Variants in FAM83B observed in about 807,000 individuals in gnomAD.
FAM83B encodes protein FAM83B.
Under a neutral mutation model 38.8 loss-of-function variants are expected in FAM83B, and 26 were observed. The observed-to-expected ratio is 0.67, with a 90% CI of 0.49 to 0.93. The LOEUF is 0.93. FAM83B is among the 40% of genes least tolerant of loss of function. FAM83B has a pLI of 0.00. For synonymous variants in FAM83B, 419 were observed against 423.1 expected (o/e 0.99, Z 0.12); for missense variants, 1,237 against 1,197.3 (o/e 1.03, Z -0.49).
At chr6:54,864,636 A>C (rs1771659690) in intron 1 of FAM83B, among the ~76,000 whole-genome samples, 1 of 152,180 alleles carries the variant, frequency 6.6e-6, no homozygotes, top group South Asian at 2.1e-4. Context: ...TATTATAGTC[A>C]ATTTTTAATT....
At chr6:54,873,690 GT>G (rs34408059) in intron 2 of FAM83B, among the ~76,000 whole-genome samples, 91 of 137,240 alleles carry the variant, frequency 6.6e-4, no homozygotes, top group Middle Eastern at 3.8e-3. Context: ...AATGGATAAA[GT>G]TTTTTTTTTT....
At position 54,944,973 on chromosome 6, in the gene FAM83B, C is replaced by T. The variant is rs556976154; in HGVS notation, c.*2966C>T. On this transcript the variant is annotated 3_prime_UTR_variant, in exon 5 of 5. Transcript: ENST00000306858. ...CCAAGTCCTGGGCTCAAACGATCCT[C>T]CAGCCTCAGGTTCCTGAGTAGCTCA... 7 of 152,258 alleles carry T rather than the reference C, an allele frequency of 4.6e-5. No homozygotes were observed. The highest frequency in any genetic ancestry group is 8.8e-5 in the Non-Finnish European group (6 of 68,012). The allele number at this position is 152,258 out of a possible 1,614,324, so 9.4% of individuals were successfully genotyped here.
At chr6:54,933,681 C>T (rs1046655869) in intron 4 of FAM83B, among the ~76,000 whole-genome samples, 18 of 152,090 alleles carry the variant, frequency 1.2e-4, no homozygotes, top group African/African-American at 4.3e-4. Context: ...GATTCTAGGA[C>T]CTTTCAAATC....
At chr6:54,854,903 C>CT (rs2127571875) in intron 1 of FAM83B, among the ~76,000 whole-genome samples, 1 of 152,242 alleles carries the variant, frequency 6.6e-6, no homozygotes, top group East Asian at 1.9e-4. Context: ...GTATTTTATA[C>CT]TTTTAAAAAA....
intron 2 of FAM83B, among the ~76,000 whole-genome samples, chr6:54,894,615 T>C (rs1561917086): frequency 6.6e-6 from 1 of 152,116 alleles, no homozygotes; most frequent in Non-Finnish European, 1.5e-5. Context: ...TCCACAGGGG[T>C]TTGGCCTCAA....
chr6:54,848,760 C>T (rs1771198734), intron 1 of FAM83B, among the ~76,000 whole-genome samples: 1 of 152,066 alleles, frequency 6.6e-6, no homozygotes, highest in South Asian at 2.1e-4. Context: ...TTTTAAGTGT[C>T]CAGAATCTTG....
At chr6:54,860,674 A>G (rs1396676685) in intron 1 of FAM83B, among the ~76,000 whole-genome samples, 1 of 152,228 alleles carries the variant, frequency 6.6e-6, no homozygotes, top group Non-Finnish European at 1.5e-5. Flanking sequence ...AATCAATTCA[A>G]TGGGAAATAG....
chr6:54,874,716 T>G (rs1250870597), intron 2 of FAM83B, among the ~76,000 whole-genome samples: 1 of 152,198 alleles, frequency 6.6e-6, no homozygotes, highest in African/African-American at 2.4e-5. Context: ...TTTGCATCTC[T>G]GTTTCCTAAT....
upstream of FAM83B, among the ~76,000 whole-genome samples, chr6:54,846,414 G>T (rs1335256346): frequency 6.6e-6 from 1 of 152,204 alleles, no homozygotes; most frequent in African/African-American, 2.4e-5. Flanking sequence ...GGTGAGCGTC[G>T]CTGTCCTCCG....
intron 4 of FAM83B, among the ~76,000 whole-genome samples, chr6:54,931,902 T>C (rs1773426851): frequency 6.6e-6 from 1 of 152,038 alleles, no homozygotes; most frequent in Admixed American, 6.6e-5. Flanking sequence ...GTCTTTTGTG[T>C]TTTGTTTTGT....
At chr6:54,870,042 T>C in intron 1 of FAM83B, 145 bp from the exon 2 acceptor site, 1 of 527,468 alleles carries the variant, frequency 1.9e-6, no homozygotes, top group Non-Finnish European at 3.4e-6. Context: ...GTGCTATTAA[T>C]GTCATTTTGG....
intron 1 of FAM83B, among the ~76,000 whole-genome samples, chr6:54,859,419 A>C (rs1444597643): frequency 6.6e-6 from 1 of 152,174 alleles, no homozygotes; most frequent in African/African-American, 2.4e-5. Flanking sequence ...GACTTTAGTC[A>C]ACTCTCACTC....
chr6:54,892,954 A>G (rs1179408183), intron 2 of FAM83B, among the ~76,000 whole-genome samples: 1 of 152,028 alleles, frequency 6.6e-6, no homozygotes, highest in East Asian at 1.9e-4. Flanking sequence ...TATCCACTCT[A>G]TGGGAACCCA....
chr6:54,922,986 C>CT (rs993257558), intron 2 of FAM83B, among the ~76,000 whole-genome samples: 1 of 151,838 alleles, frequency 6.6e-6, no homozygotes, highest in Non-Finnish European at 1.5e-5. Flanking sequence ...CTAGTATCTG[C>CT]TAGTAAAAAA....
chr6:54,938,919 T>C (rs1162616231), intron 4 of FAM83B, among the ~76,000 whole-genome samples: 5 of 152,128 alleles, frequency 3.3e-5, no homozygotes, highest in Non-Finnish European at 7.4e-5. Context: ...GGGTTCTTGG[T>C]CATGAATTCT....
chr6:54,866,933 CT>C (rs909592232), intron 1 of FAM83B, among the ~76,000 whole-genome samples: 4 of 152,000 alleles, frequency 2.6e-5, no homozygotes, highest in Non-Finnish European at 5.9e-5. Flanking sequence ...GGAATTTCTA[CT>C]TGATACAAAT....
chr6:54,884,299 TAAAAAAA>T (rs70983475), intron 2 of FAM83B, among the ~76,000 whole-genome samples: 12 of 82,298 alleles, frequency 1.5e-4, no homozygotes, highest in Admixed American at 3.3e-4. Flanking sequence ...AGACCCCGTC[TAAAAAAA>T]AAAAAAAAAA....
intron 2 of FAM83B, among the ~76,000 whole-genome samples, chr6:54,885,160 CA>C (rs1024851509): frequency 1.8e-4 from 26 of 147,640 alleles, no homozygotes; most frequent in East Asian, 3.9e-4. Flanking sequence ...GTCAACTTTC[CA>C]AAAAAAAAAT....
intron 2 of FAM83B, among the ~76,000 whole-genome samples, chr6:54,887,677 TA>T (rs1772309923): frequency 6.6e-6 from 1 of 151,950 alleles, no homozygotes; most frequent in South Asian, 2.1e-4. Flanking sequence ...CTTTATCTCC[TA>T]AAAAACTTCT....
Sources: allele counts gnomAD v4.1 joint callset (sites outside exome capture counted in the v4.1 genomes callset), GRCh38; gene constraint gnomAD v4.1.1; transcripts MANE v1.5; gene names NCBI Gene and HGNC (gene_info 2026-07-23, HGNC 2026-07-21).